The following DCLK1 variants were observed in gnomAD, a reference collection of about 807,000 sequenced individuals.
DCLK1 encodes serine/threonine-protein kinase DCLK1.
Under a neutral mutation model 86.2 loss-of-function variants are expected in DCLK1, and 16 were observed. That is an observed-to-expected ratio of 0.19 (90% CI 0.13 to 0.28). The LOEUF (loss-of-function observed/expected upper bound fraction) is 0.28, where lower values mean the gene tolerates loss of function less well. Ranked by LOEUF, DCLK1 falls within the 10% of genes least tolerant of loss-of-function variation. The pLI, the probability that DCLK1 is intolerant of heterozygous loss-of-function variation, is 1.00. For missense variants in DCLK1, 590 were observed against 940.2 expected (o/e 0.63, Z 4.87); for synonymous variants, 369 against 370.5 (o/e 1.00, Z 0.05).
intron 3 of DCLK1, among the ~76,000 whole-genome samples, chr13:36,102,313 T>A (rs1448719162): frequency 6.6e-6 from 1 of 152,096 alleles, no homozygotes; most frequent in Non-Finnish European, 1.5e-5. Flanking sequence ...TTTATGGTCT[T>A]CCAAGTAGAG....
At chr13:35,875,651 T>C (rs906415854) in intron 4 of DCLK1, among the ~76,000 whole-genome samples, 2 of 152,210 alleles carry the variant, frequency 1.3e-5, no homozygotes, top group Non-Finnish European at 2.9e-5. Flanking sequence ...CTTCCCTTGC[T>C]TCTCCTGAAC....
chr13:35,863,237 G>A (rs966605424), intron 5 of DCLK1, among the ~76,000 whole-genome samples: 8 of 152,144 alleles, frequency 5.3e-5, no homozygotes, highest in Admixed American at 5.2e-4. Flanking sequence ...CCATCATCAA[G>A]CAACACATGG....
intron 4 of DCLK1, among the ~76,000 whole-genome samples, chr13:35,897,352 G>C (rs1784443275): frequency 6.6e-6 from 1 of 152,210 alleles, no homozygotes; most frequent in South Asian, 2.1e-4. Context: ...CTGTGCTAGG[G>C]AAGTGAGGAG....
At chr13:36,021,648 CAAA>C (rs1940276341) in intron 3 of DCLK1, among the ~76,000 whole-genome samples, 1 of 151,878 alleles carries the variant, frequency 6.6e-6, no homozygotes, top group Non-Finnish European at 1.5e-5. Context: ...TTCCTAGAGA[CAAA>C]GAAGGACATT....
At position 35,827,700 on chromosome 13, in the gene DCLK1, T is replaced by C; in HGVS notation, c.1342A>G (p.Ile448Val). Reference protein sequence around the residue: ...SILRRVKHPNIVLLIEEMDVP... With the variant: ...SILRRVKHPNVVLLIEEMDVP... ...TCCATCTCCTCAATCAGAAGAACGATATTGGGATGCTTCACTCTTCTTAAA... is the reference window on the plus strand; with the variant it reads ...TCCATCTCCTCAATCAGAAGAACGACATTGGGATGCTTCACTCTTCTTAAA... The change falls in exon 10 of 17, where the codon ATC becomes GTC. Residue 448 changes from isoleucine (I) to valine (V), a missense_variant. Physicochemically the swap from Ile to Val is conservative, Grantham distance 29. This residue lies in a region of DCLK1 where 108 missense variants were observed against 195.7 expected (regional missense o/e 0.55). Coordinates refer to ENST00000360631, the MANE Select transcript of DCLK1 (RefSeq NM_001330071.2). 6.2e-7 allele frequency: 1 copy of C among 1,613,932 alleles called. No individual in the cohort carries two copies. Among genetic ancestry groups the C allele is most frequent in the Non-Finnish European group, 8.5e-7 (1 of 1,179,936 alleles).
intron 3 of DCLK1, among the ~76,000 whole-genome samples, chr13:36,028,695 G>C (rs1327000597): frequency 2.6e-5 from 4 of 152,164 alleles, no homozygotes; most frequent in Admixed American, 2.0e-4. Flanking sequence ...ATTAGCCCAA[G>C]ATACAGGTCA....
At chr13:36,088,959 T>C (rs1035002302) in intron 3 of DCLK1, among the ~76,000 whole-genome samples, 4 of 152,226 alleles carry the variant, frequency 2.6e-5, no homozygotes, top group African/African-American at 9.6e-5. Flanking sequence ...CTTTTCTGAA[T>C]ACTTTTTTAA....
chr13:35,894,212 A>G (rs2153120172), intron 4 of DCLK1, among the ~76,000 whole-genome samples: 1 of 152,306 alleles, frequency 6.6e-6, no homozygotes, highest in East Asian at 1.9e-4. Context: ...GGGATACTCA[A>G]CGTGTACTTC....
At chr13:35,937,242 G>A (rs1665114414) in intron 4 of DCLK1, among the ~76,000 whole-genome samples, 1 of 152,010 alleles carries the variant, frequency 6.6e-6, no homozygotes. Flanking sequence ...CAAAGTGCTG[G>A]GATTGCAGGC....
At chr13:36,058,279 C>A (rs371769396) in intron 3 of DCLK1, among the ~76,000 whole-genome samples, 6 of 152,254 alleles carry the variant, frequency 3.9e-5, no homozygotes, top group African/African-American at 1.2e-4. Flanking sequence ...GCGTCCAAGC[C>A]AGGACAGCAT....
At chr13:36,126,213 A>T (rs970831244) in intron 1 of DCLK1, 57 bp from the exon 2 acceptor site, 2 of 683,900 alleles carry the variant, frequency 2.9e-6, no homozygotes, top group Middle Eastern at 4.7e-4. Context: ...ATATATATAT[A>T]TATATTTTTT....
At position 35,770,928 on chromosome 13, in the gene DCLK1, T is replaced by C. The variant is rs1489586176; in HGVS notation, c.*3607A>G. ...ATAGCAAACTTCAGCCTGGGGCACA[T>C]TTTTATGGTCAAATTAAAAACCTTT... On this transcript the variant is annotated 3_prime_UTR_variant, in exon 17 of 17. Coordinates refer to ENST00000360631, the MANE Select transcript of DCLK1 (RefSeq NM_001330071.2). 1 of 152,160 alleles carries C rather than the reference T, an allele frequency of 6.6e-6. No homozygotes were observed. Among genetic ancestry groups the C allele is most frequent in the Non-Finnish European group, 1.5e-5 (1 of 68,034 alleles). 9.4% of individuals were successfully genotyped at this position (152,160 alleles called of 1,614,324 possible). A position where few individuals can be genotyped will look rare whatever the true frequency, so the allele number is the denominator to read the frequency against.
At chr13:36,081,484 G>A (rs952928822) in intron 3 of DCLK1, among the ~76,000 whole-genome samples, 1 of 152,166 alleles carries the variant, frequency 6.6e-6, no homozygotes, top group Non-Finnish European at 1.5e-5. Context: ...CAAAAGAATA[G>A]AGGGCCAATT....
intron 15 of DCLK1, among the ~76,000 whole-genome samples, chr13:35,797,410 T>C (rs2086834405): frequency 6.6e-6 from 1 of 152,170 alleles, no homozygotes; most frequent in Non-Finnish European, 1.5e-5. Context: ...TTCCCAGCCC[T>C]GTCCTGGTCC....
At chr13:35,876,649 G>A (rs1041317761) in intron 4 of DCLK1, among the ~76,000 whole-genome samples, 5 of 152,144 alleles carry the variant, frequency 3.3e-5, no homozygotes, top group African/African-American at 1.2e-4. Flanking sequence ...TGACCTAAAT[G>A]GCCAGTAATG....
At chr13:35,884,429 C>T (rs188210909) in intron 4 of DCLK1, among the ~76,000 whole-genome samples, 117 of 151,968 alleles carry the variant, frequency 7.7e-4, no homozygotes, top group Non-Finnish European at 1.4e-3. Context: ...AGCTACAAGA[C>T]GGGGAGGATC....
chr13:35,788,284 A>C (rs1398808453), intron 16 of DCLK1: 1 of 1,613,952 alleles, frequency 6.2e-7, no homozygotes, highest in Non-Finnish European at 8.5e-7. Context: ...CCCGTGGTCC[A>C]GCTGAGCAGA....
intron 6 of DCLK1, among the ~76,000 whole-genome samples, chr13:35,852,933 T>C (rs1870762345): frequency 6.6e-6 from 1 of 152,168 alleles, no homozygotes; most frequent in South Asian, 2.1e-4. Flanking sequence ...TAAAGACAGA[T>C]TTCTATGCTA....
intron 11 of DCLK1, among the ~76,000 whole-genome samples, chr13:35,816,454 T>C (rs2085984605): frequency 6.6e-6 from 1 of 152,202 alleles, no homozygotes; most frequent in Non-Finnish European, 1.5e-5. Flanking sequence ...TATGGCACCA[T>C]ATTAGTAATC....
Sources: gnomAD v4.1 joint callset for allele counts (sites outside exome capture counted in the v4.1 genomes callset) on GRCh38, gnomAD v4.1.1 for gene constraint, gnomAD v4.1.1 regional missense constraint, MANE v1.5 for transcripts, NCBI Gene and HGNC (gene_info 2026-07-23, HGNC 2026-07-21) for gene names.